The following GALNT13 variants were observed in gnomAD, a reference collection of about 807,000 sequenced individuals.
The protein encoded by GALNT13 is UDP-GalNAc:polypeptide N-acetylgalactosaminyltransferase 13.
Under a neutral mutation model 64.2 loss-of-function variants are expected in GALNT13, and 28 were observed. The ratio of observed to expected loss-of-function variants is 0.44; its 90% CI spans 0.32 to 0.60. GALNT13 has a LOEUF of 0.60. GALNT13 is among the 20% of genes least tolerant of loss of function. The pLI is 0.05. For missense variants in GALNT13, 577 were observed against 669.8 expected, an observed-to-expected ratio of 0.86 and a Z score of 1.53; for synonymous variants, 214 against 224.6, an observed-to-expected ratio of 0.95 and a Z score of 0.42.
At chr2:154,098,262 G>A (rs1291289717) in intron 3 of GALNT13, among the ~76,000 whole-genome samples, 1 of 151,882 alleles carries the variant, frequency 6.6e-6, no homozygotes, top group Non-Finnish European at 1.5e-5. Context: ...AACATCTCAA[G>A]ATACGACATG....
chr2:154,307,608 A>AT (rs34371448), intron 9 of GALNT13, among the ~76,000 whole-genome samples: 45 of 150,296 alleles, frequency 3.0e-4, no homozygotes, highest in Middle Eastern at 7.0e-3. Flanking sequence ...TCAAGAATAG[A>AT]TTTTTTTTTT....
rs115029001 is a variant in GALNT13, at chr2:154,110,002, G to A, written c.143-30335G>A. On this transcript the variant is annotated intron_variant, in intron 3 of 12. Transcript: ENST00000392825. Reference sequence around the variant, plus strand: ...CTTGCCTCTTAAAAAGAGTTTGGATGTGTTCATTTCTTTTCAATTTTTTTG... The same window carrying A: ...CTTGCCTCTTAAAAAGAGTTTGGATATGTTCATTTCTTTTCAATTTTTTTG... Among the ~76,000 whole-genome samples, 1,119 of 151,892 alleles carry A rather than the reference G, an allele frequency of 7.4e-3. 19 individuals carry two copies. The highest frequency in any genetic ancestry group is 0.025 in the African/African-American group (1,050 of 41,444).
chr2:153,982,966 G>C (rs946812211), intron 3 of GALNT13, among the ~76,000 whole-genome samples: 2 of 151,882 alleles, frequency 1.3e-5, no homozygotes, highest in Non-Finnish European at 2.9e-5. Context: ...GAAAAACACA[G>C]AAGGACTAAA....
At chr2:153,735,536 T>C in the GALNT13 span, among the ~76,000 whole-genome samples, 1 of 152,184 alleles carries the variant, frequency 6.6e-6, no homozygotes, top group Non-Finnish European at 1.5e-5. Context: ...GTAATAACTA[T>C]GGTAAGATGA....
chr2:153,980,032 T>A (rs943779933), intron 3 of GALNT13, among the ~76,000 whole-genome samples: 2 of 152,152 alleles, frequency 1.3e-5, no homozygotes, highest in African/African-American at 4.8e-5. Flanking sequence ...AAGACAGAAT[T>A]GCATGTTGAA....
the GALNT13 span, among the ~76,000 whole-genome samples, chr2:153,070,158 C>T: frequency 6.6e-6 from 1 of 152,050 alleles, no homozygotes; most frequent in East Asian, 1.9e-4. Flanking sequence ...ATATATCAAG[C>T]CATGAAAAGA....
In GALNT13 at chr2:154,391,897, C is replaced by G. The variant is rs369124246; in HGVS notation, c.1157-4094C>G. On this transcript the variant is annotated intron_variant, in intron 9 of 12. Coordinates refer to ENST00000392825, the MANE Select transcript of GALNT13 (RefSeq NM_052917.4). ...GCACGATAGAGGGATAAAGACAGAC[C>G]TAGGAAGATGAGAGAAAGTGATCAA... Among the ~76,000 whole-genome samples the G allele has an allele frequency of 6.7e-4, 102 of 151,990 alleles. 2 individuals carry two copies. In the South Asian group the frequency reaches 0.021, roughly 31 times the overall value.
the GALNT13 span, among the ~76,000 whole-genome samples, chr2:153,588,806 T>A: frequency 6.6e-6 from 1 of 152,232 alleles, no homozygotes; most frequent in South Asian, 2.1e-4. Context: ...TATGCTGTGC[T>A]TCCCTTATAA....
intron 4 of GALNT13, among the ~76,000 whole-genome samples, chr2:154,234,430 A>G (rs779323802): frequency 2.6e-5 from 4 of 152,150 alleles, no homozygotes; most frequent in South Asian, 2.1e-4. Flanking sequence ...TAGAGAGTTT[A>G]GTCACATATT....
At chr2:153,860,977 G>A in the GALNT13 span, among the ~76,000 whole-genome samples, 1 of 152,168 alleles carries the variant, frequency 6.6e-6, no homozygotes, top group African/African-American at 2.4e-5. Context: ...GGGATTTGAG[G>A]AGGCAGAAAG....
At chr2:153,318,841 A>G in the GALNT13 span, among the ~76,000 whole-genome samples, 1 of 152,222 alleles carries the variant, frequency 6.6e-6, no homozygotes, top group African/African-American at 2.4e-5. Context: ...AATGGGGGAA[A>G]GTTAGCATTT....
chr2:153,818,742 A>T, the GALNT13 span, among the ~76,000 whole-genome samples: 3 of 152,124 alleles, frequency 2.0e-5, no homozygotes, highest in African/African-American at 7.2e-5. Flanking sequence ...GGCATAGCTA[A>T]AGGGTCCTGC....
chr2:153,594,829 C>A, the GALNT13 span, among the ~76,000 whole-genome samples: 2 of 152,002 alleles, frequency 1.3e-5, no homozygotes, highest in Non-Finnish European at 2.9e-5. Context: ...TCGCTTCTGC[C>A]GTCATCTAGC....
chr2:153,814,311 G>T, the GALNT13 span, among the ~76,000 whole-genome samples: 1 of 152,076 alleles, frequency 6.6e-6, no homozygotes, highest in Non-Finnish European at 1.5e-5. Flanking sequence ...GCGGTGGCGG[G>T]CGCCTGTAGT....
At position 154,452,607 on chromosome 2, in the gene GALNT13, G is replaced by A. The variant is rs537828839; in HGVS notation, c.*2056G>A. ...ACCCCATCAAAGCTGAACTTGAAAC[G>A]TTTTAGCAGAATTTTAAATATGTGA... On this transcript the variant is annotated 3_prime_UTR_variant, in exon 13 of 13. Transcript: ENST00000392825. 2.0e-5 allele frequency: 3 copies of A among 152,212 alleles called. No individual in the cohort carries two copies. The highest frequency in any genetic ancestry group is 6.5e-5 in the Admixed American group (1 of 15,282). 9.4% of individuals were successfully genotyped at this position (152,212 alleles called of 1,614,324 possible).
At position 154,301,571 on chromosome 2, in the gene GALNT13, T is replaced by C. The variant is rs767875652; in HGVS notation, c.1138T>C (p.Phe380Leu). Reference sequence around the variant, plus strand: ...TTGGATGGATGAATTTAAAGATTTCTTCTACATCATATCCCCAGGTACACA... The same window carrying C: ...TTGGATGGATGAATTTAAAGATTTCCTCTACATCATATCCCCAGGTACACA... Reference protein sequence around the residue: ...EVWMDEFKDFFYIISPGVVKV... With the variant: ...EVWMDEFKDFLYIISPGVVKV... The change falls in exon 9 of 13, where the codon TTC becomes CTC. Residue 380 changes from phenylalanine (F) to leucine (L), a missense_variant. Around this residue, in one of 3 missense-constraint regions of GALNT13, gnomAD observed 232 missense variants for 270.6 expected, o/e 0.86. Transcript: ENST00000392825. 6.2e-7 allele frequency: 1 copy of C among 1,611,082 alleles called. No homozygotes were observed.
At chr2:154,008,924 G>A (rs186639625) in intron 3 of GALNT13, among the ~76,000 whole-genome samples, 489 of 152,166 alleles carry the variant, frequency 3.2e-3, no homozygotes, top group Middle Eastern at 6.8e-3. Context: ...GTGTTTTTAT[G>A]GTAGAACAAT....
chr2:153,119,678 C>T, the GALNT13 span, among the ~76,000 whole-genome samples: 32 of 152,284 alleles, frequency 2.1e-4, 1 homozygote, highest in South Asian at 5.4e-3. Flanking sequence ...GTTGCCTATG[C>T]GCATGCCAGG....
intron 2 of GALNT13, among the ~76,000 whole-genome samples, chr2:153,907,594 CCTT>C (rs1688664809): frequency 6.6e-6 from 1 of 151,756 alleles, no homozygotes; most frequent in Non-Finnish European, 1.5e-5. Context: ...TCTGTTTTTC[CCTT>C]CTTTGTGTCC....
Sources: gnomAD v4.1 joint callset for allele counts (sites outside exome capture counted in the v4.1 genomes callset) on GRCh38, gnomAD v4.1.1 for gene constraint, gnomAD v4.1.1 regional missense constraint, MANE v1.5 for transcripts, NCBI Gene and HGNC (gene_info 2026-07-23, HGNC 2026-07-21) for gene names.